Variants in ATRNL1 observed in about 807,000 individuals in gnomAD.
The protein encoded by ATRNL1 is attractin-like protein 1.
Under a neutral mutation model 182.7 loss-of-function variants are expected in ATRNL1, and 95 were observed. The observed-to-expected ratio is 0.52, with a 90% CI of 0.44 to 0.62. The LOEUF (loss-of-function observed/expected upper bound fraction) is 0.62. Ranked by LOEUF, ATRNL1 falls within the 20% of genes least tolerant of loss-of-function variation. The pLI, the probability that ATRNL1 is intolerant of heterozygous loss-of-function variation, is 0.00. For synonymous variants in ATRNL1, 576 were observed against 568.3 expected (o/e 1.01, Z -0.19); for missense variants, 1,471 against 1,679.5 (o/e 0.88, Z 2.17).
intron 28 of ATRNL1, among the ~76,000 whole-genome samples, chr10:115,863,454 A>G (rs540809891): frequency 2.0e-5 from 3 of 152,224 alleles, no homozygotes; most frequent in Non-Finnish European, 4.4e-5. Flanking sequence ...GACACTATTT[A>G]ATGTCCATGC....
intron 20 of ATRNL1, among the ~76,000 whole-genome samples, chr10:115,400,952 C>G (rs74158309): frequency 6.6e-6 from 1 of 151,812 alleles, no homozygotes. Context: ...TTTAAGGTTA[C>G]CATAAAATAT....
At chr10:115,158,349 T>C (rs2143976521) in intron 5 of ATRNL1, among the ~76,000 whole-genome samples, 1 of 152,114 alleles carries the variant, frequency 6.6e-6, no homozygotes, top group East Asian at 1.9e-4. Flanking sequence ...ACCACTCAGC[T>C]CTGCTAAAGC....
chr10:115,558,416 G>T (rs1167668467), intron 26 of ATRNL1, among the ~76,000 whole-genome samples: 1 of 152,140 alleles, frequency 6.6e-6, no homozygotes, highest in Non-Finnish European at 1.5e-5. Context: ...TAAAGGCTGA[G>T]GTGAATTGGC....
intron 26 of ATRNL1, among the ~76,000 whole-genome samples, chr10:115,678,769 C>T (rs1324997782): frequency 6.6e-6 from 1 of 152,008 alleles, no homozygotes; most frequent in Non-Finnish European, 1.5e-5. Flanking sequence ...TCATAGATGC[C>T]AGCAAGGGAG....
intron 6 of ATRNL1, among the ~76,000 whole-genome samples, chr10:115,165,347 C>T: frequency 6.6e-6 from 1 of 152,008 alleles, no homozygotes; most frequent in South Asian, 2.1e-4. Context: ...ATTATACATT[C>T]AGGAGACTGA....
chr10:115,735,585 C>T (rs1350428576), intron 27 of ATRNL1, among the ~76,000 whole-genome samples: 3 of 152,070 alleles, frequency 2.0e-5, no homozygotes, highest in South Asian at 2.1e-4. Flanking sequence ...ATATTAATAA[C>T]TTGCCAGCAT....
intron 27 of ATRNL1, among the ~76,000 whole-genome samples, chr10:115,729,767 CT>C (rs1947732786): frequency 2.0e-5 from 3 of 152,092 alleles, no homozygotes; most frequent in Non-Finnish European, 2.9e-5. Flanking sequence ...CTCAACTTCC[CT>C]CTGTTTCTCC....
At chr10:115,107,669 C>T (rs1844074996) in intron 1 of ATRNL1, among the ~76,000 whole-genome samples, 1 of 152,218 alleles carries the variant, frequency 6.6e-6, no homozygotes, top group African/African-American at 2.4e-5. Context: ...GAGTCTGCTG[C>T]TGTAGCATCC....
At chr10:115,690,123 G>C (rs2420104) in intron 26 of ATRNL1, among the ~76,000 whole-genome samples, 56,443 of 151,916 alleles carry the variant, frequency 0.37, 11,287 homozygotes, top group Admixed American at 0.54. Flanking sequence ...GGAGGTCTTG[G>C]CCTCTGAAAA....
chr10:115,587,270 G>T (rs1267303112), intron 26 of ATRNL1, among the ~76,000 whole-genome samples: 18 of 152,148 alleles, frequency 1.2e-4, no homozygotes, highest in Non-Finnish European at 1.5e-5. Context: ...CTTGAGCTGT[G>T]GTGGGCTCCA....
At chr10:115,478,931 T>A (rs1001653337) in intron 24 of ATRNL1, among the ~76,000 whole-genome samples, 4 of 151,678 alleles carry the variant, frequency 2.6e-5, no homozygotes, top group Non-Finnish European at 4.4e-5. Context: ...GATTTTAATT[T>A]TACTTTTATT....
chr10:115,151,597 C>T (rs1235298548), intron 5 of ATRNL1, among the ~76,000 whole-genome samples: 2 of 151,986 alleles, frequency 1.3e-5, no homozygotes, highest in Non-Finnish European at 2.9e-5. Flanking sequence ...TGTTGGAGTT[C>T]TTTGTAGATT....
intron 19 of ATRNL1, among the ~76,000 whole-genome samples, chr10:115,380,051 C>T (rs1394931717): frequency 6.6e-6 from 1 of 152,036 alleles, no homozygotes; most frequent in Non-Finnish European, 1.5e-5. Flanking sequence ...AGGATGGTCT[C>T]GATCTGCTGA....
intron 25 of ATRNL1, among the ~76,000 whole-genome samples, chr10:115,528,518 T>C (rs1851378723): frequency 1.4e-5 from 2 of 143,762 alleles, no homozygotes; most frequent in South Asian, 2.1e-4. Context: ...TCTTTCTCTT[T>C]TCTTTTTTTT....
At chr10:115,114,936 T>C (rs1019050563) in intron 1 of ATRNL1, among the ~76,000 whole-genome samples, 2 of 152,120 alleles carry the variant, frequency 1.3e-5, no homozygotes, top group African/African-American at 4.8e-5. Context: ...CATTCACATG[T>C]TCATTGCAGC....
intron 8 of ATRNL1, among the ~76,000 whole-genome samples, chr10:115,201,242 C>T (rs1455024058): frequency 2.0e-5 from 3 of 151,788 alleles, no homozygotes; most frequent in Non-Finnish European, 2.9e-5. Flanking sequence ...TAATGAGATC[C>T]CATTTGTCAA....
intron 26 of ATRNL1, among the ~76,000 whole-genome samples, chr10:115,640,658 A>G (rs1859181551): frequency 6.6e-6 from 1 of 152,162 alleles, no homozygotes; most frequent in Non-Finnish European, 1.5e-5. Context: ...AGTTCCTTGT[A>G]GATTCTGGAT....
chr10:115,282,403 C>T (rs1852410605), intron 14 of ATRNL1, among the ~76,000 whole-genome samples: 1 of 150,912 alleles, frequency 6.6e-6, no homozygotes, highest in Admixed American at 6.6e-5. Flanking sequence ...TGCTATCCCT[C>T]CCCCCTCTCC....
chr10:115,824,587 C>A (rs183956454), intron 27 of ATRNL1, among the ~76,000 whole-genome samples: 1,992 of 151,882 alleles, frequency 0.013, 30 homozygotes, highest in South Asian at 0.079. Flanking sequence ...GAAAAAAAAA[C>A]CCCATCAAAA....
Sources: gnomAD v4.1 joint callset for allele counts (sites outside exome capture counted in the v4.1 genomes callset) on GRCh38, gnomAD v4.1.1 for gene constraint, MANE v1.5 for transcripts, NCBI Gene and HGNC (gene_info 2026-07-23, HGNC 2026-07-21) for gene names.